SMG6: variants seen among roughly 807,000 people sequenced by gnomAD.
SMG6 encodes SMG6 nonsense mediated mRNA decay factor.
A neutral mutation model predicts 142.2 loss-of-function variants in SMG6; 66 were observed. The ratio of observed to expected loss-of-function variants is 0.46; its 90% CI spans 0.38 to 0.57. The LOEUF (loss-of-function observed/expected upper bound fraction) is 0.57, where lower values mean the gene tolerates loss of function less well. SMG6 is among the 20% of genes least tolerant of loss of function. The probability of loss-of-function intolerance (pLI) is 0.00; values close to 1 mark genes in which losing one functional copy is unlikely to be tolerated. For missense variants in SMG6, 1,793 were observed against 1,832.0 expected, an observed-to-expected ratio of 0.98 and a Z score of 0.39; for synonymous variants, 779 against 702.4, an observed-to-expected ratio of 1.11 and a Z score of -1.72.
intron 10 of SMG6, among the ~76,000 whole-genome samples, chr17:2,203,041 G>A (rs1417317214): frequency 6.6e-6 from 1 of 152,094 alleles, no homozygotes; most frequent in Non-Finnish European, 1.5e-5. Context: ...ATACATCTTG[G>A]CAAGAAAGAC....
At chr17:2,088,460 T>C (rs1221883284) in intron 13 of SMG6, 43 of 985,278 alleles carry the variant, frequency 4.4e-5, no homozygotes, top group Non-Finnish European at 5.1e-5. Context: ...TAGAAGGAAA[T>C]TGGTTTCCTT....
At position 2,300,338 on chromosome 17, in the gene SMG6, T is replaced by C. The variant is rs1364705245; in HGVS notation, c.415A>G (p.Lys139Glu). Residue 139 changes from lysine to glutamate, a missense_variant, in exon 2 of 19, where the codon AAG (lysine) becomes GAG (glutamate). Lys to Glu is a moderately conservative substitution (Grantham distance 56). This residue lies in a region of SMG6 where 1,597 missense variants were observed against 1,584.6 expected (regional missense o/e 1.01). Coordinates refer to ENST00000263073, the MANE Select transcript of SMG6 (RefSeq NM_017575.5). The stretch of plus-strand genomic sequence containing the variant: ...TGATAGATCTGCAGGTCGGGTTTCT[T>C]TGTTCTTTTGATAATTTTTAGACTA... ...DRSLKIIKRT[K>E]KPDLQIYQPG... 1 of 1,613,908 alleles carries C rather than the reference T, an allele frequency of 6.2e-7. No individual in the cohort carries two copies. Among genetic ancestry groups the C allele is most frequent in the Non-Finnish European group, 8.5e-7 (1 of 1,180,036 alleles).
intron 12 of SMG6, among the ~76,000 whole-genome samples, chr17:2,180,060 T>A (rs945634746): frequency 6.6e-6 from 1 of 152,208 alleles, no homozygotes; most frequent in South Asian, 2.1e-4. Context: ...CCCACTGCCC[T>A]AGCCTTGCCA....
intron 13 of SMG6, among the ~76,000 whole-genome samples, chr17:2,147,464 T>C (rs930736755): frequency 5.3e-5 from 8 of 151,908 alleles, no homozygotes; most frequent in African/African-American, 1.7e-4. Flanking sequence ...TAGGTGGGCG[T>C]AGTGGTGCAC....
intron 13 of SMG6, among the ~76,000 whole-genome samples, chr17:2,107,487 T>C (rs1050649002): frequency 2.6e-5 from 4 of 152,206 alleles, no homozygotes; most frequent in Admixed American, 6.6e-5. Context: ...TAGAGGATTA[T>C]AGTGTTAAAC....
rs959412689 is a variant in SMG6 at position 2,207,011 on chromosome 17, C to A, written c.2870-18496G>T. The stretch of plus-strand genomic sequence containing the variant: ...AATAGGTCAGGCACGGTGGCTCATG[C>A]CTATAATCCCAGCACTTTGGGAAGC... On this transcript the variant is annotated intron_variant, in intron 10 of 18. Transcript: ENST00000263073. Among the ~76,000 whole-genome samples, 3 of 151,296 alleles carry A rather than the reference C, an allele frequency of 2.0e-5. No individual in the cohort carries two copies. The East Asian group carries it at 5.8e-4, about 29-fold the overall frequency.
chr17:2,290,673 C>T (rs947918636), intron 6 of SMG6, among the ~76,000 whole-genome samples: 6 of 152,156 alleles, frequency 3.9e-5, no homozygotes, highest in Non-Finnish European at 7.3e-5. Context: ...AGACAAGCCA[C>T]AGTCTGGAAG....
chr17:2,064,944 C>G (rs1466131546), intron 18 of SMG6, 129 bp downstream of exon 18: 1 of 718,144 alleles, frequency 1.4e-6, no homozygotes, highest in African/African-American at 1.8e-5. Context: ...AGGCATACAT[C>G]AGCCCTGAGC....
At position 2,282,693 on chromosome 17, in the gene SMG6, T is replaced by C. The variant is rs1194721585; in HGVS notation, c.2615A>G (p.Lys872Arg). The change falls in exon 8 of 19, where the codon AAG becomes AGG. Residue 872 changes from lysine to arginine, a missense_variant. Around this residue, in one of 3 missense-constraint regions of SMG6, gnomAD observed 1,597 missense variants for 1,584.6 expected, o/e 1.01. Coordinates refer to ENST00000263073, the MANE Select transcript of SMG6 (RefSeq NM_017575.5). Reference protein sequence around the residue: ...PRSSQGTESGKDSEQENGLGS... With the variant: ...PRSSQGTESGRDSEQENGLGS... ...CAGCCCATTCTCTTGCTCAGAATCC[T>C]TCCCAGACTCAGTGCCCTGGGAAGA... is the stretch of plus-strand genomic sequence containing the variant. 1 of 1,614,074 alleles carries C rather than the reference T, an allele frequency of 6.2e-7. No individual in the cohort carries two copies. Among genetic ancestry groups the C allele is most frequent in the Non-Finnish European group, 8.5e-7 (1 of 1,179,960 alleles).
At chr17:2,280,607 GCTCAAA>G in intron 8 of SMG6, 2 of 984,942 alleles carry the variant, frequency 2.0e-6, no homozygotes, top group African/African-American at 1.7e-5. Flanking sequence ...AAAATGAAAA[GCTCAAA>G]CTCAAAGATT....
chr17:2,244,809 C>G, intron 8 of SMG6, 90 bp from the exon 9 acceptor site: 2 of 1,127,498 alleles, frequency 1.8e-6, no homozygotes, highest in South Asian at 1.3e-5. Flanking sequence ...AATAACCTGG[C>G]CAGGGTCTAA....
intron 16 of SMG6, among the ~76,000 whole-genome samples, chr17:2,066,266 GTA>G (rs2067940833): frequency 6.6e-6 from 1 of 151,786 alleles, no homozygotes; most frequent in South Asian, 2.1e-4. Context: ...GCGCGCACGT[GTA>G]TGTCTGTGTG....
At chr17:2,297,449 A>G in intron 3 of SMG6, 96 bp from the exon 4 acceptor site, 1 of 843,686 alleles carries the variant, frequency 1.2e-6, no homozygotes, top group Non-Finnish European at 1.8e-6. Context: ...AGTTCTGCTG[A>G]TGTTCAGACA....
intron 8 of SMG6, among the ~76,000 whole-genome samples, chr17:2,278,242 G>A (rs796811614): frequency 2.0e-5 from 3 of 146,924 alleles, no homozygotes; most frequent in Admixed American, 6.9e-5. Context: ...TCCCTCTGTC[G>A]CCCAGGCTGG....
intron 13 of SMG6, among the ~76,000 whole-genome samples, chr17:2,147,767 C>T (rs1022219651): frequency 2.0e-5 from 3 of 152,096 alleles, no homozygotes; most frequent in Non-Finnish European, 2.9e-5. Context: ...ACCAATACAC[C>T]GACTAGGATG....
intron 13 of SMG6, among the ~76,000 whole-genome samples, chr17:2,162,309 G>A (rs541980460): frequency 7.9e-5 from 12 of 151,926 alleles, no homozygotes; most frequent in South Asian, 2.1e-4. Context: ...TCAGGAGATC[G>A]AGACCATCCT....
chr17:2,142,298 T>C (rs2070506089), intron 13 of SMG6, among the ~76,000 whole-genome samples: 1 of 152,188 alleles, frequency 6.6e-6, no homozygotes, highest in African/African-American at 2.4e-5. Flanking sequence ...GGAGAAAATA[T>C]TTGTAAATCA....
intron 13 of SMG6, among the ~76,000 whole-genome samples, chr17:2,126,845 G>T (rs2069898481): frequency 1.3e-5 from 2 of 152,092 alleles, no homozygotes; most frequent in Admixed American, 6.6e-5. Flanking sequence ...CGAGGCTGAG[G>T]AGTTCAAGAG....
intron 12 of SMG6, among the ~76,000 whole-genome samples, chr17:2,184,960 CAAAAAAAAAAAAA>C (rs58230459): frequency 1.3e-4 from 3 of 22,474 alleles, no homozygotes; most frequent in Non-Finnish European, 2.1e-4. Context: ...GACTCCATCT[CAAAAAAAAAAAAA>C]AAAAAAAAAA....
Sources: allele counts gnomAD v4.1 joint callset (sites outside exome capture counted in the v4.1 genomes callset), GRCh38; gene constraint gnomAD v4.1.1; regional missense constraint gnomAD v4.1.1; transcripts MANE v1.5; gene names NCBI Gene and HGNC (gene_info 2026-07-23, HGNC 2026-07-21).